TACR3: variants seen among roughly 807,000 people sequenced by gnomAD.
The protein encoded by TACR3 is neuromedin-K receptor.
Under a neutral mutation model 35.0 loss-of-function variants are expected in TACR3, and 34 were observed. That is an observed-to-expected ratio of 0.97 (90% CI 0.74 to 1.30). The LOEUF is 1.30. Among genes scored for constraint, TACR3 ranks in the 50% most tolerant of loss-of-function variants. The pLI is 0.00. For missense variants in TACR3, 558 were observed against 591.7 expected (o/e 0.94, Z 0.59); for synonymous variants, 233 against 221.1 (o/e 1.05, Z -0.48).
rs144301092 is a variant in TACR3 at position 103,652,590 on chromosome 4, GA to G, written c.888+3603del. Among the ~76,000 whole-genome samples, 1,344 of 152,242 alleles carry G rather than the reference GA, an allele frequency of 8.8e-3. 21 individuals are homozygous for G. The highest frequency in any genetic ancestry group is 0.03 in the African/African-American group (1,234 of 41,538). On this transcript the variant is annotated intron_variant, in intron 3 of 4. Transcript: ENST00000304883. ...TAGGAAATGATTATTTTTGTGTGTA[GA>G]TAGATGTTACATTGGTGTCCTTCTG...
At chr4:103,605,739 A>G (rs1004208714) in intron 3 of TACR3, among the ~76,000 whole-genome samples, 1 of 151,262 alleles carries the variant, frequency 6.6e-6, no homozygotes, top group Non-Finnish European at 1.5e-5. Context: ...TTGTCAGATG[A>G]GTAGGTTGTG....
Position 103,586,927 on chromosome 4 carries a change from C to G in TACR3, c.*2755G>C, listed in dbSNP as rs1054037790. On this transcript the variant is annotated 3_prime_UTR_variant, in exon 5 of 5. Transcript: ENST00000304883. ...AAGAGAATACTTACAATGATGTAAG[C>G]CTTTTTGATTCTTTCATATTTGTTT... 1 of 151,822 alleles carries G rather than the reference C, an allele frequency of 6.6e-6. No individual in the cohort carries two copies. Among genetic ancestry groups the G allele is most frequent in the African/African-American group, 2.4e-5 (1 of 41,304 alleles). The allele number at this position is 151,822 out of a possible 1,614,324, so 9.4% of individuals were successfully genotyped here. A position where few individuals can be genotyped will look rare whatever the true frequency, so the allele number is the denominator to read the frequency against.
intron 1 of TACR3, among the ~76,000 whole-genome samples, chr4:103,702,208 AAAAC>A (rs1186314472): frequency 3.3e-5 from 5 of 152,190 alleles, no homozygotes; most frequent in Admixed American, 6.5e-5. Context: ...TTACAAGAAA[AAAAC>A]AAACAACCCC....
chr4:103,606,500 C>G (rs185411348), intron 3 of TACR3, among the ~76,000 whole-genome samples: 46 of 152,126 alleles, frequency 3.0e-4, no homozygotes, highest in Middle Eastern at 3.4e-3. Flanking sequence ...TTTTATTTCA[C>G]TGAGCAGTGG....
intron 3 of TACR3, among the ~76,000 whole-genome samples, chr4:103,646,449 A>C (rs1725456225): frequency 6.6e-6 from 1 of 151,918 alleles, no homozygotes; most frequent in South Asian, 2.1e-4. Flanking sequence ...TTATTGATGC[A>C]TTTTATAATT....
chr4:103,600,442 T>C (rs1320232723), intron 3 of TACR3, among the ~76,000 whole-genome samples: 2 of 152,206 alleles, frequency 1.3e-5, no homozygotes, highest in Non-Finnish European at 2.9e-5. Flanking sequence ...TGAAGGGTTT[T>C]TTGTGTCTCT....
At chr4:103,689,688 A>T (rs1722355741) in intron 1 of TACR3, among the ~76,000 whole-genome samples, 1 of 152,116 alleles carries the variant, frequency 6.6e-6, no homozygotes, top group African/African-American at 2.4e-5. Context: ...AACAAAGCCT[A>T]AGAGATTTGT....
chr4:103,653,760 A>C (rs1481677675), intron 3 of TACR3, among the ~76,000 whole-genome samples: 3 of 152,070 alleles, frequency 2.0e-5, no homozygotes, highest in African/African-American at 7.2e-5. Flanking sequence ...GTGAACAGGC[A>C]ACCCACAAAA....
At chr4:103,676,440 T>C (rs942950148) in intron 1 of TACR3, among the ~76,000 whole-genome samples, 3 of 152,084 alleles carry the variant, frequency 2.0e-5, no homozygotes, top group African/African-American at 7.2e-5. Context: ...TAACCTATAT[T>C]AAATATAATA....
rs1401194179 is a variant in TACR3 at position 103,588,890 on chromosome 4, ATCT to A, written c.*789_*791del. 2 of 152,132 alleles carry A rather than the reference ATCT, an allele frequency of 1.3e-5. No individual in the cohort carries two copies. The highest frequency in any genetic ancestry group is 2.9e-5 in the Non-Finnish European group (2 of 68,006). The allele number at this position is 152,132 out of a possible 1,614,324, so 9.4% of individuals were successfully genotyped here. A position where few individuals can be genotyped will look rare whatever the true frequency, so the allele number is the denominator to read the frequency against. ...GTTTTATAATCTAGCTATTTAAAAA[ATCT>A]GTGAAAAATAAAAAATGATAGGAAT... is the stretch of plus-strand genomic sequence containing the variant. On this transcript the variant is annotated 3_prime_UTR_variant, in exon 5 of 5. Transcript: ENST00000304883.
rs141594852 is a variant in TACR3, at chr4:103,603,368, C to T, written c.889-11685G>A. ...CCGGGTGAGGTTATGCCTCGCCCTG[C>T]TTTGGCTCGTGCACGGTGCGCTGCA... is the stretch of plus-strand genomic sequence containing the variant. On this transcript the variant is annotated intron_variant, in intron 3 of 4. Coordinates refer to ENST00000304883, the MANE Select transcript of TACR3 (RefSeq NM_001059.3). Among the ~76,000 whole-genome samples the T allele has an allele frequency of 7.4e-3, 1,132 of 152,352 alleles. 10 individuals carry two copies. The highest frequency in any genetic ancestry group is 0.026 in the African/African-American group (1,079 of 41,582).
chr4:103,597,904 T>A (rs548357334), intron 3 of TACR3, among the ~76,000 whole-genome samples: 12 of 152,240 alleles, frequency 7.9e-5, no homozygotes, highest in African/African-American at 1.9e-4. Flanking sequence ...ATAGTGCCGC[T>A]ATAAACATAC....
intron 1 of TACR3, among the ~76,000 whole-genome samples, chr4:103,696,810 T>A (rs761816291): frequency 1.3e-5 from 2 of 152,174 alleles, no homozygotes; most frequent in African/African-American, 2.4e-5. Flanking sequence ...ATAACTGCAT[T>A]TACATTGGTT....
intron 3 of TACR3, among the ~76,000 whole-genome samples, chr4:103,626,600 C>T (rs1724897356): frequency 6.6e-6 from 1 of 151,978 alleles, no homozygotes; most frequent in Non-Finnish European, 1.5e-5. Flanking sequence ...GTTAACTGCA[C>T]CTCTCTAGTA....
intron 3 of TACR3, among the ~76,000 whole-genome samples, chr4:103,611,097 C>T (rs572077955): frequency 6.6e-6 from 1 of 152,156 alleles, no homozygotes; most frequent in South Asian, 2.1e-4. Flanking sequence ...CTTGCTTTAG[C>T]TATTCAGGGT....
chr4:103,701,830 G>A (rs1722657956), intron 1 of TACR3, among the ~76,000 whole-genome samples: 1 of 152,160 alleles, frequency 6.6e-6, no homozygotes, highest in African/African-American at 2.4e-5. Flanking sequence ...ATGGTGCTGG[G>A]AAAACTGGCT....
rs115899609 is a variant in TACR3 at position 103,673,653 on chromosome 4, A to G, written c.549-15250T>C. On this transcript the variant is annotated intron_variant, in intron 1 of 4. Transcript: ENST00000304883. ...GACTATTGCCAAAATGTGACACGAAAAAATGAAGTGACACATGCTACCAGC... is the reference window on the plus strand; with the variant it reads ...GACTATTGCCAAAATGTGACACGAAGAAATGAAGTGACACATGCTACCAGC... Among the ~76,000 whole-genome samples, 810 of 152,304 alleles carry G rather than the reference A, an allele frequency of 5.3e-3. 9 individuals carry two copies. The highest frequency in any genetic ancestry group is 0.018 in the African/African-American group (767 of 41,566).
chr4:103,645,431 G>T (rs1367443945), intron 3 of TACR3, among the ~76,000 whole-genome samples: 1 of 151,902 alleles, frequency 6.6e-6, no homozygotes, highest in Non-Finnish European at 1.5e-5. Context: ...TTCCTCTGTG[G>T]CTGTTGCTGC....
intron 2 of TACR3, among the ~76,000 whole-genome samples, chr4:103,657,402 G>A (rs1295333956): frequency 6.6e-6 from 1 of 151,928 alleles, no homozygotes; most frequent in African/African-American, 2.4e-5. Context: ...AGGGTACTCA[G>A]TTTAATATGA....
Sources: gnomAD v4.1 joint callset for allele counts (sites outside exome capture counted in the v4.1 genomes callset) on GRCh38, gnomAD v4.1.1 for gene constraint, MANE v1.5 for transcripts, NCBI Gene and HGNC (gene_info 2026-07-23, HGNC 2026-07-21) for gene names.